Variants in ZNF583 observed in about 807,000 individuals in gnomAD.
The protein encoded by ZNF583 is zinc finger protein 583, also known as zinc finger protein L3-5.
In ZNF583, 30 loss-of-function variants were observed where a neutral mutation model predicts 55.3. That is an observed-to-expected ratio of 0.54 (90% CI 0.41 to 0.74). ZNF583 has a LOEUF of 0.74. Among genes scored for constraint, ZNF583 ranks in the 30% least tolerant of loss-of-function variants. ZNF583 has a pLI of 0.00. For missense variants in ZNF583, 504 were observed against 664.7 expected (o/e 0.76, Z 2.66); for synonymous variants, 208 against 220.0 (o/e 0.95, Z 0.48).
intron 4 of ZNF583, chr19:56,421,588 G>C: frequency 1.3e-6 from 1 of 788,220 alleles, no homozygotes; most frequent in Non-Finnish European, 1.5e-6. Flanking sequence ...TTTAAGTTTA[G>C]TGGTAATATT....
intron 4 of ZNF583, among the ~76,000 whole-genome samples, chr19:56,416,459 A>C (rs2147587493): frequency 6.6e-6 from 1 of 151,980 alleles, no homozygotes; most frequent in East Asian, 1.9e-4. Flanking sequence ...ACTAATTCAT[A>C]AAATATTTTC....
At chr19:56,413,891 C>G in intron 2 of ZNF583, 68 bp from the exon 3 acceptor site, 1 of 1,597,924 alleles carries the variant, frequency 6.3e-7, no homozygotes, top group Non-Finnish European at 8.5e-7. Context: ...GACAATTTAA[C>G]TTTTTAACTT....
At position 56,414,105 on chromosome 19, in the gene ZNF583, A is replaced by G. The variant is rs978672746; in HGVS notation, c.136+20A>G. The stretch of plus-strand genomic sequence containing the variant: ...CATTGGGTAAGGACATGTCCCCTTA[A>G]TTCAGAATCTGTACATGGGACTGAG... On this transcript the variant is annotated intron_variant, in intron 3 of 4. Coordinates refer to ENST00000333201, the MANE Select transcript of ZNF583 (RefSeq NM_152478.3). 2 of 1,567,260 alleles carry G rather than the reference A, an allele frequency of 1.3e-6. No homozygotes were observed. The highest frequency in any genetic ancestry group is 1.7e-6 in the Non-Finnish European group (2 of 1,161,142).
At chr19:56,419,512 T>C (rs1163794172) in intron 4 of ZNF583, among the ~76,000 whole-genome samples, 2 of 152,190 alleles carry the variant, frequency 1.3e-5, no homozygotes, top group African/African-American at 4.8e-5. Flanking sequence ...TACTTTCTTA[T>C]AATTTTTTTA....
chr19:56,406,946 A>G (rs1389756137), intron 1 of ZNF583, 80 bp from the exon 2 acceptor site: 1 of 617,924 alleles, frequency 1.6e-6, no homozygotes, highest in Non-Finnish European at 2.8e-6. Context: ...AAGGAGAAAG[A>G]GAAGGAAAGG....
Position 56,423,127 on chromosome 19 carries a change from G to T in ZNF583, c.469G>T (p.Glu157Ter). Residue 157 changes from glutamate to a stop codon, truncating the protein, a stop_gained, in exon 5 of 5, where the codon GAA becomes TAA. Coordinates refer to ENST00000333201, the MANE Select transcript of ZNF583 (RefSeq NM_152478.3). LOFTEE classifies it high-confidence loss of function. ...AATCCTTCCAGAAGTTCAAAATAAA[G>T]AATATAACAAATCTTGGCAAACATT... Reference protein sequence around the residue: ...KEILPEVQNKEYNKSWQTFHQ... With the variant: ...KEILPEVQNK 1.2e-6 allele frequency: 2 copies of T among 1,611,750 alleles called. No homozygotes were observed. Among genetic ancestry groups the T allele is most frequent in the East Asian group, 2.2e-5 (1 of 44,828 alleles).
Position 56,423,774 on chromosome 19 carries a change from A to T in ZNF583, c.1116A>T (p.Arg372Ser). ...GTGGATACCTAATTGTACATCAGAG[A>T]ATTCATACTGGAGAGAGACCCTACG... is the stretch of plus-strand genomic sequence containing the variant. ...SHRGYLIVHQRIHTGERPYEC... is the reference protein window; with the variant it reads ...SHRGYLIVHQSIHTGERPYEC... The change falls in exon 5 of 5, where the codon AGA (arginine) becomes AGT (serine). Residue 372 changes from arginine to serine, a missense_variant. Transcript: ENST00000333201. 1 of 1,613,524 alleles carries T rather than the reference A, an allele frequency of 6.2e-7. No homozygotes were observed. Among genetic ancestry groups the T allele is most frequent in the East Asian group, 2.2e-5 (1 of 44,840 alleles).
At chr19:56,417,351 G>A (rs535298217) in intron 4 of ZNF583, among the ~76,000 whole-genome samples, 5 of 152,234 alleles carry the variant, frequency 3.3e-5, no homozygotes, top group Admixed American at 1.3e-4. Context: ...TCTTGGTATC[G>A]TCAGTAGTAT....
chr19:56,421,644 C>A, intron 4 of ZNF583: 1 of 314,964 alleles, frequency 3.2e-6, no homozygotes, highest in Non-Finnish European at 4.6e-6. Context: ...GCATGTCATT[C>A]TAATAAGAGG....
rs1457830746 is a variant in ZNF583 at position 56,404,746 on chromosome 19, G to A, written c.-90+294G>A. On this transcript the variant is annotated intron_variant, in intron 1 of 4. Coordinates refer to ENST00000333201, the MANE Select transcript of ZNF583 (RefSeq NM_152478.3). The surrounding 1 kb of genome is among the most constrained non-coding windows in gnomAD (Gnocchi z 5.2). ...ACTGGGTGTGAGAATGTGTGCGACA[G>A]TATGAGACCGTTGCCCCGGTGTATG... 6.6e-6 allele frequency among the ~76,000 whole-genome samples: 1 copy of A among 152,204 alleles called. No homozygotes were observed. Among genetic ancestry groups the A allele is most frequent in the East Asian group, 1.9e-4 (1 of 5,196 alleles).
intron 4 of ZNF583, 151 bp from the exon 5 acceptor site, chr19:56,422,740 A>T: frequency 1.9e-6 from 1 of 533,804 alleles, no homozygotes; most frequent in South Asian, 3.2e-5. Flanking sequence ...CAACTCTCTT[A>T]AATTCTTATT....
chr19:56,424,321 C>A lies in ZNF583; in HGVS notation c.1663C>A (p.Pro555Thr), dbSNP rs867775696. ...ATTCTTGACTCTTTCCTCTCCCTCA[C>A]CCTCCACATCAAATCAGTTGCCAAG... ...ESFLTLSSPS[P>T]STSNQLPRPV... Residue 555 changes from proline (P) to threonine (T), a missense_variant, in exon 5 of 5, where the codon CCC becomes ACC. Coordinates refer to ENST00000333201, the MANE Select transcript of ZNF583 (RefSeq NM_152478.3). 6.3e-7 allele frequency: 1 copy of A among 1,594,306 alleles called. No homozygotes were observed. Among genetic ancestry groups the A allele is most frequent in the Admixed American group, 1.7e-5 (1 of 59,894 alleles).
At position 56,422,905 on chromosome 19, in the gene ZNF583, T is replaced by C. The variant is rs1600379272; in HGVS notation, c.247T>C (p.Phe83Leu). The change falls in exon 5 of 5, where the codon TTT becomes CTT. Residue 83 changes from phenylalanine (F) to leucine (L), a missense_variant. Around this residue, in one of 3 missense-constraint regions of ZNF583, gnomAD observed 204 missense variants for 235.2 expected, o/e 0.87. Coordinates refer to ENST00000333201, the MANE Select transcript of ZNF583 (RefSeq NM_152478.3). Reference protein sequence around the residue: ...RGPCPDWEYVFKNSEFSSKQE... With the variant: ...RGPCPDWEYVLKNSEFSSKQE... ...ATATCTTTTAGATTGGGAGTATGTA[T>C]TTAAAAACAGTGAATTTTCATCAAA... 1 of 1,604,546 alleles carries C rather than the reference T, an allele frequency of 6.2e-7. No individual in the cohort carries two copies. Among genetic ancestry groups the C allele is most frequent in the South Asian group, 1.1e-5 (1 of 89,034 alleles).
At chr19:56,422,823 G>T in intron 4 of ZNF583, 68 bp from the exon 5 acceptor site, 5 of 1,202,038 alleles carry the variant, frequency 4.2e-6, no homozygotes, top group Non-Finnish European at 3.4e-6. Context: ...TTTTATTCAC[G>T]TTTTTGTTTT....
chr19:56,424,540 T>C lies in ZNF583; in HGVS notation c.*172T>C. 2 of 529,112 alleles carry C rather than the reference T, an allele frequency of 3.8e-6. No individual in the cohort carries two copies. The highest frequency in any genetic ancestry group is 6.7e-6 in the Non-Finnish European group (2 of 300,042). The allele number at this position is 529,112 out of a possible 1,614,324, so 32.8% of individuals were successfully genotyped here. On this transcript the variant is annotated 3_prime_UTR_variant, in exon 5 of 5. Coordinates refer to ENST00000333201, the MANE Select transcript of ZNF583 (RefSeq NM_152478.3). Reference sequence around the variant, plus strand: ...AACCAAATTTGTATTTTTAAAAATATGTTTAATCTCATTTCTCCCTCATTA... The same window carrying C: ...AACCAAATTTGTATTTTTAAAAATACGTTTAATCTCATTTCTCCCTCATTA...
chr19:56,423,116 T>C lies in ZNF583; in HGVS notation c.458T>C (p.Val153Ala), dbSNP rs780956687. The change falls in exon 5 of 5, where the codon GTT becomes GCT. Residue 153 changes from valine to alanine, a missense_variant. By Grantham distance (64) the Val-to-Ala change is moderately conservative. Around this residue, in one of 3 missense-constraint regions of ZNF583, gnomAD observed 204 missense variants for 235.2 expected, o/e 0.87. Transcript: ENST00000333201. ...ACTCATAAAGAAATCCTTCCAGAAG[T>C]TCAAAATAAAGAATATAACAAATCT... ...IITHKEILPE[V>A]QNKEYNKSWQ... 6.2e-7 allele frequency: 1 copy of C among 1,611,728 alleles called. No individual in the cohort carries two copies. The highest frequency in any genetic ancestry group is 1.1e-5 in the South Asian group (1 of 90,516).
intron 4 of ZNF583, among the ~76,000 whole-genome samples, chr19:56,415,676 GC>G (rs2042310289): frequency 6.6e-6 from 1 of 152,148 alleles, no homozygotes; most frequent in Non-Finnish European, 1.5e-5. Flanking sequence ...CAATTCTCCT[GC>G]CTCAGCCACC....
At chr19:56,408,448 T>C (rs2042188513) in intron 2 of ZNF583, among the ~76,000 whole-genome samples, 1 of 152,210 alleles carries the variant, frequency 6.6e-6, no homozygotes, top group African/African-American at 2.4e-5. Context: ...TTCATGTTAA[T>C]TGATTTAAAT....
chr19:56,413,176 T>C (rs994066839), intron 2 of ZNF583, among the ~76,000 whole-genome samples: 1 of 152,212 alleles, frequency 6.6e-6, no homozygotes, highest in Non-Finnish European at 1.5e-5. Flanking sequence ...AGGTTGTCAT[T>C]GTGAAATGTG....
Sources: allele counts gnomAD v4.1 joint callset (sites outside exome capture counted in the v4.1 genomes callset), GRCh38; gene constraint gnomAD v4.1.1; regional missense constraint gnomAD v4.1.1; non-coding constraint Gnocchi (gnomAD v3.1); transcripts MANE v1.5; gene names NCBI Gene and HGNC (gene_info 2026-07-23, HGNC 2026-07-21).